The following SHANK1 variants were observed in gnomAD, a reference collection of about 807,000 sequenced individuals.
The protein encoded by SHANK1 is SH3 and multiple ankyrin repeat domains 1, also known as SH3 and multiple ankyrin repeat domains protein 1.
In SHANK1, 35 loss-of-function variants were observed where a neutral mutation model predicts 165.6. The observed-to-expected ratio is 0.21, with a 90% CI of 0.16 to 0.28. The LOEUF is 0.28. SHANK1 is among the 10% of genes least tolerant of loss of function. The probability of loss-of-function intolerance (pLI) is 1.00; values close to 1 mark genes in which losing one functional copy is unlikely to be tolerated. For missense variants in SHANK1, 2,681 were observed against 3,036.4 expected (o/e 0.88, Z 2.75); for synonymous variants, 1,428 against 1,384.8 (o/e 1.03, Z -0.69).
intron 8 of SHANK1, among the ~76,000 whole-genome samples, chr19:50,705,649 T>G (rs1300762359): frequency 6.6e-6 from 1 of 152,108 alleles, no homozygotes; most frequent in Non-Finnish European, 1.5e-5. Flanking sequence ...TCCCCAGTCA[T>G]GACAACCAAA....
Position 50,668,259 on chromosome 19 carries a change from G to A in SHANK1, c.3701C>T (p.Ala1234Val), listed in dbSNP as rs779759634. 2.8e-6 allele frequency: 4 copies of A among 1,412,982 alleles called. No individual in the cohort carries two copies. The highest frequency in any genetic ancestry group is 3.4e-5 in the Admixed American group (1 of 29,498). 87.5% of individuals were successfully genotyped at this position (1,412,982 alleles called of 1,614,324 possible). The change falls in exon 23 of 24, where the codon GCC (alanine) becomes GTC (valine). Residue 1234 changes from alanine to valine, a missense_variant. Ala to Val is a moderately conservative substitution (Grantham distance 64). Around this residue, in one of 10 missense-constraint regions of SHANK1, gnomAD observed 1,713 missense variants for 1,630.2 expected, o/e 1.05. Transcript: ENST00000293441. ...ATLDFTSQFG[A>V]ALVGAARREG... The stretch of plus-strand genomic sequence containing the variant: ...CCTCCGGGCCGCCCCCACCAGGGCG[G>A]CCCCGAACTGGCTCGTGAAGTCCAG...
Position 50,681,200 on chromosome 19 carries a change from C to T in SHANK1, c.2577+5037G>A, listed in dbSNP as rs145180504. ...GGGGCATCTGTATTGACTCAGAGAG[C>T]GGGAAAGATAAAGATGGCAGGTGGG... On this transcript the variant is annotated intron_variant, in intron 21 of 23. Coordinates refer to ENST00000293441, the MANE Select transcript of SHANK1 (RefSeq NM_016148.5). 3.0e-4 allele frequency among the ~76,000 whole-genome samples: 45 copies of T among 151,466 alleles called. No individual in the cohort carries two copies. In the East Asian group the frequency reaches 6.0e-3, roughly 20 times the overall value.
Position 50,697,077 on chromosome 19 carries a change from C to T in SHANK1, c.1964+19G>A. The T allele has an allele frequency of 6.2e-7, 1 of 1,609,882 alleles. No individual in the cohort carries two copies. Among genetic ancestry groups the T allele is most frequent in the South Asian group, 1.1e-5 (1 of 90,972 alleles). On this transcript the variant is annotated intron_variant, in intron 15 of 23. Coordinates refer to ENST00000293441, the MANE Select transcript of SHANK1 (RefSeq NM_016148.5). This position sits in a 1 kb window ranked among gnomAD's most constrained non-coding sequence, Gnocchi z 4.7. ...CTTCCCCTCCTGACCCCATCCCCTC[C>T]CTGCCCCTCGCCTCTCACCTCCCTG...
intron 21 of SHANK1, among the ~76,000 whole-genome samples, chr19:50,682,094 C>T (rs3859446): frequency 0.79 from 119,965 of 151,646 alleles, 48,109 homozygotes; most frequent in African/African-American, 0.87. Context: ...TCTCGCTCTA[C>T]TGCCAGGCTG....
chr19:50,663,298 AAG>A (rs1985343034), intron 23 of SHANK1: 1 of 149,702 alleles, frequency 6.7e-6, no homozygotes, highest in South Asian at 2.1e-4. Flanking sequence ...GAGAGAGATG[AAG>A]AGAGGGAGAT....
At position 50,703,512 on chromosome 19, in the gene SHANK1, CG is replaced by C; in HGVS notation, c.1540del (p.Arg514GlufsTer49). The stretch of plus-strand genomic sequence containing the variant: ...CTGCCTCCCCTACCTGGGCCGGCCT[CG>C]GGGCTGCCTCTTGGCGTCCTCAGGG... Reference protein sequence around the residue: ...RHPEDAKRQPRGRPSSSGTPR... With the variant: ...RHPEDAKRQPXGRPSSSGTPR... On this transcript the variant is annotated frameshift_variant, in exon 11 of 24. Transcript: ENST00000293441. LOFTEE classifies it high-confidence loss of function. The C allele has an allele frequency of 6.5e-7, 1 of 1,540,984 alleles. No homozygotes were observed. The highest frequency in any genetic ancestry group is 1.7e-4 in the Middle Eastern group (1 of 5,852).
At chr19:50,709,893 A>T (rs1450024853) in intron 8 of SHANK1, among the ~76,000 whole-genome samples, 1 of 152,146 alleles carries the variant, frequency 6.6e-6, no homozygotes, top group African/African-American at 2.4e-5. Context: ...TGAACGGTAC[A>T]GTTTCTGTCT....
Position 50,697,087 on chromosome 19 carries a change from G to A in SHANK1, c.1964+9C>T. On this transcript the variant is annotated intron_variant, in intron 15 of 23. Transcript: ENST00000293441. The surrounding 1 kb of genome is among the most constrained non-coding windows in gnomAD (Gnocchi z 4.7). ...TGACCCCATCCCCTCCCTGCCCCTC[G>A]CCTCTCACCTCCCTGGGCCAATCCC... 5 of 1,586,070 alleles carry A rather than the reference G, an allele frequency of 3.2e-6. No homozygotes were observed. Among genetic ancestry groups the A allele is most frequent in the Non-Finnish European group, 4.3e-6 (5 of 1,165,944 alleles).
Position 50,669,067 on chromosome 19 carries a change from A to C in SHANK1, c.2893T>G (p.Ser965Ala). 1 of 971,378 alleles carries C rather than the reference A, an allele frequency of 1.0e-6. No individual in the cohort carries two copies. Among genetic ancestry groups the C allele is most frequent in the Non-Finnish European group, 1.4e-6 (1 of 712,616 alleles). 60.2% of individuals were successfully genotyped at this position (971,378 alleles called of 1,614,324 possible). ...GGCCCGTCAAAGGATGCAGGGGAGG[A>C]GGCGGGGAGGGGGCCACCAGAGCCA... ...NPGSGGPLPASSPASFDGPSP... is the reference protein window; with the variant it reads ...NPGSGGPLPAASPASFDGPSP... Residue 965 changes from serine to alanine, a missense_variant, in exon 23 of 24, where the codon TCC (serine) becomes GCC (alanine). Physicochemically the swap from Ser to Ala is moderately conservative, Grantham distance 99. This residue lies in a region of SHANK1 where 1,713 missense variants were observed against 1,630.2 expected (regional missense o/e 1.05). Coordinates refer to ENST00000293441, the MANE Select transcript of SHANK1 (RefSeq NM_016148.5).
chr19:50,672,143 A>C, intron 21 of SHANK1, 29 bp from the exon 22 acceptor site: 1 of 1,562,596 alleles, frequency 6.4e-7, no homozygotes, highest in Non-Finnish European at 8.8e-7. Flanking sequence ...AGGGGGAGAG[A>C]GAGAAAAGAT....
Position 50,716,794 on chromosome 19 carries a change from GC to G in SHANK1, c.125del (p.Gly42AlafsTer31). 6.3e-7 allele frequency: 1 copy of G among 1,597,962 alleles called. No individual in the cohort carries two copies. The highest frequency in any genetic ancestry group is 8.5e-7 in the Non-Finnish European group (1 of 1,173,710). ...GPGRGPRGTR[G>X]QGSGAPGSLA... ...GGCTACCAGGTGCCCCACTGCCCTG[GC>G]CCCGGGTCCCCCGGGGGCCTCGACC... is the stretch of plus-strand genomic sequence containing the variant. On this transcript the variant is annotated frameshift_variant, in exon 2 of 24. Transcript: ENST00000293441. LOFTEE classifies it high-confidence loss of function. The surrounding 1 kb of genome is among the most constrained non-coding windows in gnomAD (Gnocchi z 8.4).
chr19:50,710,429 C>T (rs1284002260), intron 8 of SHANK1, among the ~76,000 whole-genome samples: 6 of 152,158 alleles, frequency 3.9e-5, no homozygotes, highest in Non-Finnish European at 1.5e-5. Context: ...TCTCTAAGTA[C>T]CCCCACCAGC....
intron 22 of SHANK1, among the ~76,000 whole-genome samples, chr19:50,671,744 G>A (rs1457599785): frequency 6.6e-6 from 1 of 152,000 alleles, no homozygotes; most frequent in Non-Finnish European, 1.5e-5. Context: ...AAGCTGTAGC[G>A]GGGGCTTTAG....
At position 50,703,608 on chromosome 19, in the gene SHANK1, C is replaced by T. The variant is rs1177383824; in HGVS notation, c.1445G>A (p.Ser482Asn). The T allele has an allele frequency of 2.6e-6, 4 of 1,558,810 alleles. No homozygotes were observed. In the East Asian group the frequency reaches 9.4e-5, roughly 36 times the overall value. ...SQPSAPTTKL[S>N]SGTLRSASSP... The stretch of plus-strand genomic sequence containing the variant: ...GCTGGCACTTCGGAGGGTCCCGCTG[C>T]TGAGCTTGGTGGTGGGGGCCGAGGG... The change falls in exon 11 of 24, where the codon AGC (serine) becomes AAC (asparagine). Residue 482 changes from serine to asparagine, a missense_variant. Physicochemically the swap from Ser to Asn is conservative, Grantham distance 46. Around this residue, in one of 10 missense-constraint regions of SHANK1, gnomAD observed 195 missense variants for 186.2 expected, o/e 1.05. Coordinates refer to ENST00000293441, the MANE Select transcript of SHANK1 (RefSeq NM_016148.5).
rs1022042293 is a variant in SHANK1, at chr19:50,713,112, G to A, written c.792+686C>T. Reference sequence around the variant, plus strand: ...ATCTGAGGGAGAGAAGGGAGGGGCCGTTTAGCTGGAGCAGCTGTGCGTCGG... The same window carrying A: ...ATCTGAGGGAGAGAAGGGAGGGGCCATTTAGCTGGAGCAGCTGTGCGTCGG... On this transcript the variant is annotated intron_variant, in intron 6 of 23. Transcript: ENST00000293441. This position sits in a 1 kb window ranked among gnomAD's most constrained non-coding sequence, Gnocchi z 6.2. 2.6e-5 allele frequency among the ~76,000 whole-genome samples: 4 copies of A among 152,120 alleles called. No homozygotes were observed. The highest frequency in any genetic ancestry group is 6.6e-5 in the Admixed American group (1 of 15,262).
chr19:50,679,504 C>T (rs1986103918), intron 21 of SHANK1, among the ~76,000 whole-genome samples: 1 of 152,154 alleles, frequency 6.6e-6, no homozygotes, highest in Non-Finnish European at 1.5e-5. Context: ...CTCCACCAAC[C>T]AACGGGAGCA....
Position 50,668,544 on chromosome 19 carries a change from T to G in SHANK1, c.3416A>C (p.Gln1139Pro). 1.3e-5 allele frequency: 18 copies of G among 1,352,728 alleles called. No homozygotes were observed. Among genetic ancestry groups the G allele is most frequent in the South Asian group, 2.3e-5 (1 of 43,330 alleles). The allele number at this position is 1,352,728 out of a possible 1,614,324, so 83.8% of individuals were successfully genotyped here. Reference protein sequence around the residue: ...APSPTSPASPQPPPAVAAPSE... With the variant: ...APSPTSPASPPPPPAVAAPSE... ...GGGCGCGGCCACGGCGGGCGGCGGC[T>G]GCGGGGAGGCCGGGGACGTGGGCGA... Residue 1139 changes from glutamine to proline, a missense_variant, in exon 23 of 24, where the codon CAG (glutamine) becomes CCG (proline). Gln to Pro is a moderately conservative substitution (Grantham distance 76). Around this residue, in one of 10 missense-constraint regions of SHANK1, gnomAD observed 1,713 missense variants for 1,630.2 expected, o/e 1.05. Transcript: ENST00000293441.
intron 21 of SHANK1, among the ~76,000 whole-genome samples, chr19:50,675,457 C>T (rs1439268481): frequency 6.6e-6 from 1 of 152,184 alleles, no homozygotes; most frequent in Non-Finnish European, 1.5e-5. Flanking sequence ...TTACATGCCT[C>T]TCACTACACT....
In SHANK1 at chr19:50,661,052, AAG is replaced by A. The variant is rs1292027072; in HGVS notation, c.*911_*912del. On this transcript the variant is annotated 3_prime_UTR_variant, in exon 24 of 24. Transcript: ENST00000293441. Reference sequence around the variant, plus strand: ...TGCTTCAACGTAAGAAAATGGAGGTAAGAGTGTGTCAGGAGGGGTGCATAAGA... The same window carrying A: ...TGCTTCAACGTAAGAAAATGGAGGTAAGTGTGTCAGGAGGGGTGCATAAGA... Among the ~76,000 whole-genome samples, 2 of 152,064 alleles carry A rather than the reference AAG, an allele frequency of 1.3e-5. No homozygotes were observed. Among genetic ancestry groups the A allele is most frequent in the Non-Finnish European group, 2.9e-5 (2 of 67,996 alleles).
Sources: allele counts gnomAD v4.1 joint callset (sites outside exome capture counted in the v4.1 genomes callset), GRCh38; gene constraint gnomAD v4.1.1; regional missense constraint gnomAD v4.1.1; non-coding constraint Gnocchi (gnomAD v3.1); transcripts MANE v1.5; gene names NCBI Gene and HGNC (gene_info 2026-07-23, HGNC 2026-07-21).